Variants in ZNF518A observed in about 807,000 individuals in gnomAD.
ZNF518A encodes zinc finger protein 518.
A neutral mutation model predicts 102.7 loss-of-function variants in ZNF518A; 47 were observed. The ratio of observed to expected loss-of-function variants is 0.46; its 90% CI spans 0.36 to 0.58. ZNF518A has a LOEUF of 0.58. Among genes scored for constraint, ZNF518A ranks in the 20% least tolerant of loss-of-function variants. The pLI is 0.00. For missense variants in ZNF518A, 1,793 were observed against 1,699.8 expected (o/e 1.05, Z -0.96); for synonymous variants, 652 against 594.6 (o/e 1.10, Z -1.40).
At chr10:96,137,043 A>AGCAGGCCAGATTTGGCCT (rs2081629457) in intron 3 of ZNF518A, among the ~76,000 whole-genome samples, 1 of 152,264 alleles carries the variant, frequency 6.6e-6, no homozygotes, top group Non-Finnish European at 1.5e-5. Context: ...AAAAACAGGC[A>AGCAGGCCAGATTTGGCCT]GCAGGCCAGA....
chr10:96,183,389 C>G (rs2083251575), intron 1 of ZNF518A, among the ~76,000 whole-genome samples: 1 of 152,148 alleles, frequency 6.6e-6, no homozygotes, highest in African/African-American at 2.4e-5. Flanking sequence ...TTCTCTAGCT[C>G]TTTTAATTGT....
chr10:96,143,288 T>C (rs1564749841), intron 3 of ZNF518A, among the ~76,000 whole-genome samples: 1 of 152,198 alleles, frequency 6.6e-6, no homozygotes, highest in Non-Finnish European at 1.5e-5. Flanking sequence ...TTTTCTGTTC[T>C]TAAATTAACA....
intron 1 of ZNF518A, among the ~76,000 whole-genome samples, chr10:96,203,074 C>T (rs2083689550): frequency 6.6e-6 from 1 of 152,138 alleles, no homozygotes; most frequent in Non-Finnish European, 1.5e-5. Context: ...CTGTCTCCTT[C>T]AGTAGAATAT....
At chr10:96,176,275 T>C (rs2083204302) in intron 1 of ZNF518A, among the ~76,000 whole-genome samples, 1 of 151,926 alleles carries the variant, frequency 6.6e-6, no homozygotes, top group Non-Finnish European at 1.5e-5. Context: ...CTTCCATGAA[T>C]GCCACACTAT....
rs373372905 is a variant in ZNF518A, at chr10:96,159,552, A to G, written c.3230A>G (p.Asn1077Ser). 1.1e-5 allele frequency: 17 copies of G among 1,613,902 alleles called. No homozygotes were observed. The African/African-American group carries it at 1.6e-4, about 15-fold the overall frequency. ...MLSEQQSTKL[N>S]ISDSVKQQNE... ...TCTGAGCAACAGAGCACTAAGTTGA[A>G]TATCTCCGATTCAGTAAAACAGCAG... is the stretch of plus-strand genomic sequence containing the variant. The change falls in exon 6 of 6, where the codon AAT becomes AGT. Residue 1077 changes from asparagine (N) to serine (S), a missense_variant. Transcript: ENST00000316045.
chr10:96,130,293 G>A (rs1203835882), upstream of ZNF518A, among the ~76,000 whole-genome samples: 1 of 152,228 alleles, frequency 6.6e-6, no homozygotes, highest in African/African-American at 2.4e-5. Context: ...CAGCGCTTCC[G>A]CTTAACTTGC....
chr10:96,150,559 C>T (rs2082387814), intron 3 of ZNF518A, among the ~76,000 whole-genome samples: 1 of 144,282 alleles, frequency 6.9e-6, no homozygotes, highest in Non-Finnish European at 1.5e-5. Context: ...AAAAAAAAAA[C>T]TTAGGTACAA....
At chr10:96,180,969 A>G (rs1362097094) in intron 1 of ZNF518A, among the ~76,000 whole-genome samples, 1 of 152,194 alleles carries the variant, frequency 6.6e-6, no homozygotes, top group Non-Finnish European at 1.5e-5. Flanking sequence ...CAACAGTGTA[A>G]AAGTGTTCCT....
rs587676735 is a variant in ZNF518A at position 96,151,681 on chromosome 10, T to C, written c.-301-3645T>C. On this transcript the variant is annotated intron_variant, in intron 3 of 5. Transcript: ENST00000316045. ...TGAATGTTCCTAGTGAACTCCCTTT[T>C]TAAAAATGGTGTTTGGCAGTGGGTC... 10 of 152,352 alleles carry C rather than the reference T, an allele frequency of 6.6e-5. No individual in the cohort carries two copies. The South Asian group carries it at 2.1e-3, about 32-fold the overall frequency. The allele number at this position is 152,352 out of a possible 1,614,324, so 9.4% of individuals were successfully genotyped here. A position where few individuals can be genotyped will look rare whatever the true frequency, so the allele number is the denominator to read the frequency against.
chr10:96,181,259 G>A (rs2083238489), intron 1 of ZNF518A, among the ~76,000 whole-genome samples: 2 of 152,128 alleles, frequency 1.3e-5, no homozygotes, highest in South Asian at 4.1e-4. Context: ...TTTGTCAGAT[G>A]GATAGATTGC....
chr10:96,172,468 C>CTTT (rs1452879414), intron 1 of ZNF518A, among the ~76,000 whole-genome samples: 2 of 151,882 alleles, frequency 1.3e-5, no homozygotes, highest in Non-Finnish European at 2.9e-5. Flanking sequence ...TTTAAATTAC[C>CTTT]TTTAAAAGAC....
At chr10:96,138,679 T>C (rs1043901736) in intron 3 of ZNF518A, among the ~76,000 whole-genome samples, 6 of 152,170 alleles carry the variant, frequency 3.9e-5, no homozygotes, top group Non-Finnish European at 4.4e-5. Flanking sequence ...GTTACCTCCG[T>C]GAGGGGAGGG....
At chr10:96,139,636 A>G (rs970477592) in intron 3 of ZNF518A, among the ~76,000 whole-genome samples, 4 of 152,194 alleles carry the variant, frequency 2.6e-5, no homozygotes, top group East Asian at 3.8e-4. Flanking sequence ...GGAAACCACC[A>G]AGGAGCTTTA....
At chr10:96,175,842 T>C (rs2083199615) in intron 1 of ZNF518A, among the ~76,000 whole-genome samples, 1 of 151,502 alleles carries the variant, frequency 6.6e-6, no homozygotes, top group Non-Finnish European at 1.5e-5. Flanking sequence ...TCCTTGCAGC[T>C]GAATTACAAG....
At chr10:96,166,082 A>G (rs1554890294), downstream of ZNF518A, among the ~76,000 whole-genome samples, 2 of 152,174 alleles carry the variant, frequency 1.3e-5, no homozygotes, top group African/African-American at 2.4e-5. Flanking sequence ...AGGGCATGAA[A>G]ATAAAGCTGT....
intron 3 of ZNF518A, among the ~76,000 whole-genome samples, chr10:96,137,994 C>G (rs143934406): frequency 6.6e-6 from 1 of 152,144 alleles, no homozygotes; most frequent in African/African-American, 2.4e-5. Context: ...CCAATGCTGT[C>G]AGAACTTCTA....
At position 96,162,177 on chromosome 10, in the gene ZNF518A, A is replaced by G. The variant is rs1274795640; in HGVS notation, c.*1403A>G. The G allele has an allele frequency of 1.8e-5, 3 of 166,912 alleles. No individual in the cohort carries two copies. The highest frequency in any genetic ancestry group is 7.2e-5 in the African/African-American group (3 of 41,450). The allele number at this position is 166,912 out of a possible 1,614,324, so 10.3% of individuals were successfully genotyped here. Reference sequence around the variant, plus strand: ...AAATTAAGTCTGTACATATTTTTGTACCTTTTATGTAAATTTTGCACAGAA... The same window carrying G: ...AAATTAAGTCTGTACATATTTTTGTGCCTTTTATGTAAATTTTGCACAGAA... On this transcript the variant is annotated 3_prime_UTR_variant, in exon 6 of 6. Transcript: ENST00000316045.
chr10:96,157,458 G>A lies in ZNF518A; in HGVS notation c.1136G>A (p.Cys379Tyr), dbSNP rs782312152. The A allele has an allele frequency of 1.2e-6, 2 of 1,613,612 alleles. No homozygotes were observed. Among genetic ancestry groups the A allele is most frequent in the Non-Finnish European group, 1.7e-6 (2 of 1,179,774 alleles). Residue 379 changes from cysteine (C) to tyrosine (Y), a missense_variant, in exon 6 of 6, where the codon TGT becomes TAT. Cys to Tyr is a radical substitution (Grantham distance 194). Around this residue, in one of 3 missense-constraint regions of ZNF518A, gnomAD observed 1,741 missense variants for 1,622.6 expected, o/e 1.07. Transcript: ENST00000316045. ...GAAGAAAAGGATGAAAGACTACACT[G>A]TGAGAATAATGATAAAGCCCCTGAA... ...LSEEKDERLHCENNDKAPESE... is the reference protein window; with the variant it reads ...LSEEKDERLHYENNDKAPESE...
At chr10:96,194,479 A>C (rs1310796388) in intron 1 of ZNF518A, among the ~76,000 whole-genome samples, 3 of 152,232 alleles carry the variant, frequency 2.0e-5, no homozygotes, top group African/African-American at 7.2e-5. Flanking sequence ...GCATAGGCAA[A>C]AAAAGCAAAA....
Sources: gnomAD v4.1 joint callset for allele counts (sites outside exome capture counted in the v4.1 genomes callset) on GRCh38, gnomAD v4.1.1 for gene constraint, gnomAD v4.1.1 regional missense constraint, MANE v1.5 for transcripts, NCBI Gene and HGNC (gene_info 2026-07-23, HGNC 2026-07-21) for gene names.